NKAIN2: variants seen among roughly 807,000 people sequenced by gnomAD.
NKAIN2 encodes the protein sodium/potassium transporting ATPase interacting 2.
In NKAIN2, 14 loss-of-function variants were observed where a neutral mutation model predicts 32.6. That is an observed-to-expected ratio of 0.43 (90% CI 0.28 to 0.67). The LOEUF (loss-of-function observed/expected upper bound fraction) is 0.67, where lower values mean the gene tolerates loss of function less well. NKAIN2 is among the 30% of genes least tolerant of loss of function. NKAIN2 has a pLI of 0.17. For missense variants in NKAIN2, 198 were observed against 258.3 expected, an observed-to-expected ratio of 0.77 and a Z score of 1.60; for synonymous variants, 80 against 87.2, an observed-to-expected ratio of 0.92 and a Z score of 0.46.
chr6:124,123,239 C>T (rs941956582), intron 1 of NKAIN2, among the ~76,000 whole-genome samples: 1 of 151,886 alleles, frequency 6.6e-6, no homozygotes, highest in African/African-American at 2.4e-5. Flanking sequence ...TCAGTGAATG[C>T]TTGACTGACT....
chr6:124,449,440 A>C (rs1776014721), intron 3 of NKAIN2, among the ~76,000 whole-genome samples: 1 of 152,128 alleles, frequency 6.6e-6, no homozygotes, highest in African/African-American at 2.4e-5. Context: ...GAAGCAGTGG[A>C]GAACCATGCA....
At chr6:124,124,426 T>A (rs1305752042) in intron 1 of NKAIN2, among the ~76,000 whole-genome samples, 1 of 152,188 alleles carries the variant, frequency 6.6e-6, no homozygotes, top group Non-Finnish European at 1.5e-5. Flanking sequence ...TATCTAGAAT[T>A]TCAAAATGAC....
At chr6:124,673,417 G>A (rs957406078) in intron 4 of NKAIN2, among the ~76,000 whole-genome samples, 1 of 152,068 alleles carries the variant, frequency 6.6e-6, no homozygotes, top group Admixed American at 6.6e-5. Flanking sequence ...AAGTGAAATT[G>A]TTGAATGATA....
chr6:123,874,053 G>A (rs1773043905), intron 1 of NKAIN2, among the ~76,000 whole-genome samples: 1 of 152,160 alleles, frequency 6.6e-6, no homozygotes, highest in Non-Finnish European at 1.5e-5. Flanking sequence ...CTCCAAGGGA[G>A]TATCTTGTCT....
At chr6:124,519,316 G>A (rs1013600446) in intron 3 of NKAIN2, among the ~76,000 whole-genome samples, 1 of 152,252 alleles carries the variant, frequency 6.6e-6, no homozygotes, top group Non-Finnish European at 1.5e-5. Context: ...CTGGCTGGAT[G>A]GTCTCTCAGT....
rs571473637 is a variant in NKAIN2 at position 124,406,876 on chromosome 6, A to G, written c.273+51529A>G. On this transcript the variant is annotated intron_variant, in intron 3 of 6. Transcript: ENST00000368417. Reference sequence around the variant, plus strand: ...CTACTTTCCATCTATATATCTATATATCTTCTTTCATGAAGCTTGCATTCA... The same window carrying G: ...CTACTTTCCATCTATATATCTATATGTCTTCTTTCATGAAGCTTGCATTCA... 3.3e-5 allele frequency among the ~76,000 whole-genome samples: 5 copies of G among 152,216 alleles called. No individual in the cohort carries two copies. In the South Asian group the frequency reaches 1.0e-3, roughly 32 times the overall value.
Position 123,862,843 on chromosome 6 carries a change from TGTCA to T in NKAIN2, c.54+58594_54+58597del, listed in dbSNP as rs1238753197. Among the ~76,000 whole-genome samples the T allele has an allele frequency of 3.9e-5, 6 of 152,360 alleles. No homozygotes were observed. In the South Asian group the frequency reaches 6.2e-4, roughly 16 times the overall value. On this transcript the variant is annotated intron_variant, in intron 1 of 6. Transcript: ENST00000368417. ...TCTTATCTTTTTCTACGTATATGAC[TGTCA>T]GTCATGTATCTGTCATTTTCCTCCT...
intron 3 of NKAIN2, among the ~76,000 whole-genome samples, chr6:124,607,963 G>A (rs192713187): frequency 1.6e-4 from 24 of 152,156 alleles, no homozygotes; most frequent in Admixed American, 1.1e-3. Flanking sequence ...GGTAGGCTAC[G>A]CTAAGCTATG....
chr6:123,853,850 G>C (rs531144423), intron 1 of NKAIN2, among the ~76,000 whole-genome samples: 1 of 150,640 alleles, frequency 6.6e-6, no homozygotes, highest in Non-Finnish European at 1.5e-5. Context: ...TCAGCTCACT[G>C]CAACCTCCAC....
At chr6:124,076,299 G>C (rs1305922084) in intron 1 of NKAIN2, among the ~76,000 whole-genome samples, 1 of 152,182 alleles carries the variant, frequency 6.6e-6, no homozygotes, top group Admixed American at 6.6e-5. Flanking sequence ...CACTGTCTGA[G>C]CTGGAAATAG....
At chr6:124,478,930 CAG>C (rs1054948178) in intron 3 of NKAIN2, among the ~76,000 whole-genome samples, 1 of 152,084 alleles carries the variant, frequency 6.6e-6, no homozygotes, top group African/African-American at 2.4e-5. Flanking sequence ...GATATATCAA[CAG>C]GGGCAAATCA....
chr6:124,043,897 A>T (rs1201083094), intron 1 of NKAIN2, among the ~76,000 whole-genome samples: 1 of 152,074 alleles, frequency 6.6e-6, no homozygotes, highest in African/African-American at 2.4e-5. Flanking sequence ...TTAAACACTG[A>T]CTTCCCTGGT....
intron 3 of NKAIN2, among the ~76,000 whole-genome samples, chr6:124,603,800 T>C (rs1055036163): frequency 9.9e-5 from 15 of 151,950 alleles, no homozygotes; most frequent in African/African-American, 2.9e-4. Flanking sequence ...TCACCCTAGA[T>C]TGAAGTCACG....
At chr6:124,631,697 G>A (rs1170854952) in intron 3 of NKAIN2, among the ~76,000 whole-genome samples, 3 of 152,104 alleles carry the variant, frequency 2.0e-5, no homozygotes, top group Non-Finnish European at 4.4e-5. Context: ...ACTCCCAGGA[G>A]TTAACTATAA....
At chr6:124,276,071 C>T (rs920873545) in intron 1 of NKAIN2, among the ~76,000 whole-genome samples, 8 of 151,968 alleles carry the variant, frequency 5.3e-5, no homozygotes, top group Non-Finnish European at 1.0e-4. Context: ...ATGCTGACTT[C>T]TCGTGTAATC....
intron 1 of NKAIN2, among the ~76,000 whole-genome samples, chr6:123,957,059 T>C (rs1379406952): frequency 5.3e-5 from 8 of 152,140 alleles, no homozygotes; most frequent in African/African-American, 4.8e-5. Context: ...TTTCTCCCGA[T>C]CTTCTCCATC....
At chr6:124,773,154 G>A (rs1341374757) in intron 4 of NKAIN2, among the ~76,000 whole-genome samples, 1 of 152,150 alleles carries the variant, frequency 6.6e-6, no homozygotes, top group Admixed American at 6.5e-5. Context: ...TTAGTAACCT[G>A]AATGTCATTA....
At chr6:124,033,131 T>C (rs1781474912) in intron 1 of NKAIN2, among the ~76,000 whole-genome samples, 1 of 152,084 alleles carries the variant, frequency 6.6e-6, no homozygotes, top group Non-Finnish European at 1.5e-5. Flanking sequence ...GGCAAATGAT[T>C]CACAATATAA....
rs184247856 is a variant in NKAIN2 at position 124,540,537 on chromosome 6, C to G, written c.274-117649C>G. On this transcript the variant is annotated intron_variant, in intron 3 of 6. Coordinates refer to ENST00000368417, the MANE Select transcript of NKAIN2 (RefSeq NM_001040214.3). ...AACAAAAGTATTGTGGTGAAACAAA[C>G]CTAGGTTTTAACCCCACTGTAGCCA... 1.7e-3 allele frequency among the ~76,000 whole-genome samples: 266 copies of G among 152,272 alleles called. 1 individual carries two copies. The highest frequency in any genetic ancestry group is 6.2e-3 in the African/African-American group (256 of 41,550).
Sources: allele counts gnomAD v4.1 joint callset (sites outside exome capture counted in the v4.1 genomes callset), GRCh38; gene constraint gnomAD v4.1.1; transcripts MANE v1.5; gene names NCBI Gene and HGNC (gene_info 2026-07-23, HGNC 2026-07-21).